Variants in GNE observed in about 807,000 individuals in gnomAD.
The protein encoded by GNE is glucosamine (UDP-N-acetyl)-2-epimerase/N-acetylmannosamine kinase, also known as bifunctional UDP-N-acetylglucosamine 2-epimerase/N-acetylmannosamine kinase.
Under a neutral mutation model 61.8 loss-of-function variants are expected in GNE, and 41 were observed. The observed-to-expected ratio is 0.66, with a 90% CI of 0.52 to 0.86. The LOEUF (loss-of-function observed/expected upper bound fraction) is 0.86. Among genes scored for constraint, GNE ranks in the 40% least tolerant of loss-of-function variants. GNE has a pLI of 0.00. For missense variants in GNE, 608 were observed against 909.1 expected (o/e 0.67, Z 4.26); for synonymous variants, 264 against 326.4 (o/e 0.81, Z 2.06).
At chr9:36,261,749 G>A (rs1370137614), upstream of GNE, among the ~76,000 whole-genome samples, 2 of 151,588 alleles carry the variant, frequency 1.3e-5, no homozygotes, top group African/African-American at 4.8e-5. Context: ...GTGAAAACCC[G>A]TCTCTACTAA....
At chr9:36,263,858 C>T (rs1273713164) in intron 1 of GNE, among the ~76,000 whole-genome samples, 1 of 152,158 alleles carries the variant, frequency 6.6e-6, no homozygotes, top group Non-Finnish European at 1.5e-5. Flanking sequence ...TGGCACCAAG[C>T]CTGTGGCTAG....
chr9:36,234,275 C>T, intron 4 of GNE, 143 bp from the exon 5 acceptor site: 2 of 724,084 alleles, frequency 2.8e-6, no homozygotes, highest in African/African-American at 1.7e-5. Flanking sequence ...TAACTACTGG[C>T]TTTTTCATGA....
rs1451284302 is a variant in GNE, at chr9:36,218,136, T to G, written c.1933+47A>C. 1 of 1,304,842 alleles carries G rather than the reference T, an allele frequency of 7.7e-7. No homozygotes were observed. Among genetic ancestry groups the G allele is most frequent in the African/African-American group, 1.4e-5 (1 of 69,006 alleles). 80.8% of individuals were successfully genotyped at this position (1,304,842 alleles called of 1,614,324 possible). On this transcript the variant is annotated intron_variant, in intron 11 of 11. Coordinates refer to ENST00000642385, the MANE Select transcript of GNE (RefSeq NM_005476.7). This position sits in a 1 kb window ranked among gnomAD's most constrained non-coding sequence, Gnocchi z 4.1. The stretch of plus-strand genomic sequence containing the variant: ...TGGGGCCGGGCTGGGCCATATGATA[T>G]CTGAGGCCACCCCCTGCAGCACAGC...
chr9:36,276,956 A>C, exon 1 of GNE: 4 of 1,613,146 alleles, frequency 2.5e-6, no homozygotes, highest in Non-Finnish European at 3.4e-6. Flanking sequence ...CCGAAGCACG[A>C]GCTCTGTACC....
chr9:36,268,337 G>A (rs561748822), intron 1 of GNE, among the ~76,000 whole-genome samples: 1 of 152,156 alleles, frequency 6.6e-6, no homozygotes, highest in African/African-American at 2.4e-5. Context: ...TAAAATGTTG[G>A]ATCAACACAA....
chr9:36,238,891 T>C (rs761400872), intron 3 of GNE, among the ~76,000 whole-genome samples: 2 of 152,244 alleles, frequency 1.3e-5, no homozygotes, highest in Non-Finnish European at 2.9e-5. Context: ...TTAATCCATC[T>C]TGAGTTGATT....
chr9:36,246,531 A>G (rs1401915280), intron 2 of GNE, 49 bp from the exon 3 acceptor site: 6 of 1,347,438 alleles, frequency 4.5e-6, no homozygotes, highest in Non-Finnish European at 6.3e-6. Context: ...TTAAACACAG[A>G]GCCGTAACAT....
chr9:36,274,953 T>C (rs1451676434), intron 1 of GNE, among the ~76,000 whole-genome samples: 1 of 152,214 alleles, frequency 6.6e-6, no homozygotes, highest in Non-Finnish European at 1.5e-5. Flanking sequence ...CTTGATCTCC[T>C]GACCTCGTGA....
At chr9:36,235,115 A>T (rs567119779) in intron 4 of GNE, among the ~76,000 whole-genome samples, 97 of 152,166 alleles carry the variant, frequency 6.4e-4, no homozygotes, top group Admixed American at 2.2e-3. Flanking sequence ...CCAAAATCCA[A>T]CTGCTCCAAT....
At chr9:36,274,536 A>G (rs1451094941) in intron 1 of GNE, among the ~76,000 whole-genome samples, 1 of 151,940 alleles carries the variant, frequency 6.6e-6, no homozygotes, top group Non-Finnish European at 1.5e-5. Context: ...TCACTGCCTT[A>G]TTCTTGAGAT....
At position 36,218,232 on chromosome 9, in the gene GNE, G is replaced by C. The variant is rs759443496; in HGVS notation, c.1884C>G (p.Ile628Met). 6.2e-7 allele frequency: 1 copy of C among 1,614,034 alleles called. No individual in the cohort carries two copies. The highest frequency in any genetic ancestry group is 1.1e-5 in the South Asian group (1 of 91,078). Residue 628 changes from isoleucine to methionine, a missense_variant, in exon 11 of 12, where the codon ATC (isoleucine) becomes ATG (methionine). Ile to Met is a conservative substitution (Grantham distance 10). Coordinates refer to ENST00000642385, the MANE Select transcript of GNE (RefSeq NM_005476.7). This position sits in a 1 kb window ranked among gnomAD's most constrained non-coding sequence, Gnocchi z 4.1. ...KDEAVGALHL[I>M]QAAKLGNAKA... ...TCGCATTGCCAAGTTTCGCAGCTTG[G>C]ATGAGATGGAGCGCACCCACAGCCT... is the stretch of plus-strand genomic sequence containing the variant.
chr9:36,230,298 T>C (rs1350731036), intron 5 of GNE, among the ~76,000 whole-genome samples: 1 of 152,112 alleles, frequency 6.6e-6, no homozygotes, highest in Non-Finnish European at 1.5e-5. Context: ...CCTTAAAACA[T>C]TTTATTTTGG....
chr9:36,242,266 C>G (rs1829663563), intron 3 of GNE, among the ~76,000 whole-genome samples: 1 of 146,370 alleles, frequency 6.8e-6, no homozygotes, highest in African/African-American at 2.5e-5. Flanking sequence ...CTTGAGTTTT[C>G]TTTTTCACTG....
rs974552839 is a variant in GNE at position 36,249,209 on chromosome 9, G to A, written c.147C>T (p.His49=). 1.2e-6 allele frequency: 2 copies of A among 1,613,248 alleles called. No individual in the cohort carries two copies. Among genetic ancestry groups the A allele is most frequent in the East Asian group, 4.5e-5 (2 of 44,878 alleles). Residue 49 remains histidine (H), a synonymous_variant, in exon 2 of 12, where the codon CAC becomes CAT. Coordinates refer to ENST00000642385, the MANE Select transcript of GNE (RefSeq NM_005476.7). ...CATCTTACCCATAGTCATCTATCAG[G>A]TGAGAGCCAAGTACCACAACATCAA... is the stretch of plus-strand genomic sequence containing the variant. ...FELDVVVLGS[H]LIDDYGNTYR...
intron 6 of GNE, among the ~76,000 whole-genome samples, chr9:36,227,904 G>T (rs904820067): frequency 5.3e-5 from 8 of 151,500 alleles, no homozygotes; most frequent in Admixed American, 3.3e-4. Context: ...GGCGTTGTGG[G>T]TGCCTGTAAT....
chr9:36,265,929 TA>T (rs1173041873), intron 1 of GNE, among the ~76,000 whole-genome samples: 2 of 152,032 alleles, frequency 1.3e-5, no homozygotes, highest in Non-Finnish European at 2.9e-5. Flanking sequence ...GTTATTTTTT[TA>T]TTTTATTTTA....
At chr9:36,269,108 C>A (rs549149636) in intron 1 of GNE, among the ~76,000 whole-genome samples, 149 of 137,616 alleles carry the variant, frequency 1.1e-3, no homozygotes, top group African/African-American at 4.0e-3. Context: ...CCAGCCTGGG[C>A]AACAGAGCGA....
intron 6 of GNE, among the ~76,000 whole-genome samples, chr9:36,227,704 T>A (rs1017089807): frequency 3.9e-5 from 6 of 152,066 alleles, no homozygotes; most frequent in Non-Finnish European, 8.8e-5. Context: ...ACATAGCAAC[T>A]CTATCTCTAC....
rs117872050 is a variant in GNE at position 36,271,343 on chromosome 9, C to T, written c.51+5551G>A. Among the ~76,000 whole-genome samples the T allele has an allele frequency of 2.6e-4, 39 of 152,266 alleles. No homozygotes were observed. The East Asian group carries it at 6.7e-3, about 26-fold the overall frequency. Reference sequence around the variant, plus strand: ...ATAATCTGTTCCTTCTCTGAATTCCCGGAGCACTTGTCTTTACTCATCTCA... The same window carrying T: ...ATAATCTGTTCCTTCTCTGAATTCCTGGAGCACTTGTCTTTACTCATCTCA... On this transcript the variant is annotated intron_variant, in intron 1 of 11. Transcript: ENST00000396594.
Sources: gnomAD v4.1 joint callset for allele counts (sites outside exome capture counted in the v4.1 genomes callset) on GRCh38, gnomAD v4.1.1 for gene constraint, Gnocchi (gnomAD v3.1) non-coding constraint, MANE v1.5 for transcripts, NCBI Gene and HGNC (gene_info 2026-07-23, HGNC 2026-07-21) for gene names.